OR1J2: variants seen among roughly 807,000 people sequenced by gnomAD.
The protein encoded by OR1J2 is olfactory receptor family 1 subfamily J member 2.
For missense variants in OR1J2, 304 were observed against 246.1 expected (o/e 1.24, Z -1.57); for synonymous variants, 142 against 99.7 (o/e 1.42, Z -2.52).
chr9:122,518,770 A>G, the OR1J2 span, among the ~76,000 whole-genome samples: 1 of 152,234 alleles, frequency 6.6e-6, no homozygotes, highest in African/African-American at 2.4e-5. Context: ...AAAAAGTTCA[A>G]TATGTTACAA....
chr9:122,510,131 T>A (rs899680232), upstream of OR1J2, among the ~76,000 whole-genome samples: 7 of 152,144 alleles, frequency 4.6e-5, no homozygotes, highest in African/African-American at 1.7e-4. Flanking sequence ...GTCCTGCACA[T>A]GTACCCCAGA....
At chr9:122,521,454 A>G in the OR1J2 span, among the ~76,000 whole-genome samples, 65 of 152,040 alleles carry the variant, frequency 4.3e-4, 1 homozygote, top group South Asian at 7.9e-3. Flanking sequence ...AAAAGACCTT[A>G]CTCTTCACTT....
chr9:122,577,072 T>A, the OR1J2 span, among the ~76,000 whole-genome samples: 1 of 152,220 alleles, frequency 6.6e-6, no homozygotes, highest in East Asian at 1.9e-4. Context: ...AAGGAGATAC[T>A]TTCTACTGCT....
At chr9:122,568,319 GT>G in the OR1J2 span, 3 of 1,614,028 alleles carry the variant, frequency 1.9e-6, no homozygotes, top group Non-Finnish European at 2.5e-6. Flanking sequence ...GAAGATGGGG[GT>G]TGAAGCGAAT....
chr9:122,566,048 A>G, the OR1J2 span, among the ~76,000 whole-genome samples: 1 of 152,196 alleles, frequency 6.6e-6, no homozygotes, highest in African/African-American at 2.4e-5. Context: ...AACACAAATT[A>G]GGGTGACCTC....
At chr9:122,489,469 A>G in the OR1J2 span, among the ~76,000 whole-genome samples, 2 of 152,028 alleles carry the variant, frequency 1.3e-5, no homozygotes, top group East Asian at 1.9e-4. Flanking sequence ...GAGAGGTTTC[A>G]TGAAGCTTCG....
the OR1J2 span, among the ~76,000 whole-genome samples, chr9:122,464,257 T>C: frequency 3.9e-5 from 6 of 152,200 alleles, no homozygotes; most frequent in South Asian, 1.2e-3. Flanking sequence ...CCAGATCCCA[T>C]GCAGCCCACA....
At chr9:122,498,079 T>C in the OR1J2 span, among the ~76,000 whole-genome samples, 1 of 151,790 alleles carries the variant, frequency 6.6e-6, no homozygotes, top group African/African-American at 2.4e-5. Context: ...TTTTTATTAT[T>C]GAGATGTGCT....
the OR1J2 span, chr9:122,477,087 T>A: frequency 6.2e-7 from 1 of 1,613,700 alleles, no homozygotes; most frequent in Non-Finnish European, 8.5e-7. Flanking sequence ...TGGGAGTGAC[T>A]GCTGTGTATA....
chr9:122,511,372 G>C lies in OR1J2; in HGVS notation c.571G>C (p.Asp191His). Reference sequence around the variant, plus strand: ...TGCCCTGCTCAAGCTGTCCTGCTCAGATATCTTCCTCAATGAGCTGGTCAT... The same window carrying C: ...TGCCCTGCTCAAGCTGTCCTGCTCACATATCTTCCTCAATGAGCTGGTCAT... ...LAALLKLSCS[D>H]IFLNELVMFT... is the part of the protein sequence containing the mutation. The change falls in exon 1 of 1, where the codon GAT becomes CAT. Residue 191 changes from aspartate to histidine, a missense_variant. Asp to His is a moderately conservative substitution (Grantham distance 81). Transcript: ENST00000335302. 1 of 744,420 alleles carries C rather than the reference G, an allele frequency of 1.3e-6. No homozygotes were observed. The highest frequency in any genetic ancestry group is 2.5e-6 in the Non-Finnish European group (1 of 400,540). The allele number at this position is 744,420 out of a possible 1,614,324, so 46.1% of individuals were successfully genotyped here.
the OR1J2 span, chr9:122,568,595 T>A: frequency 9.4e-6 from 6 of 635,782 alleles, no homozygotes; most frequent in Non-Finnish European, 1.3e-5. Context: ...AATTAGCTAC[T>A]GTGCTAATTG....
the OR1J2 span, among the ~76,000 whole-genome samples, chr9:122,481,090 G>A: frequency 1.3e-5 from 2 of 152,032 alleles, no homozygotes; most frequent in Non-Finnish European, 2.9e-5. Context: ...CACTGCGCCC[G>A]GCCCCATCCA....
At chr9:122,548,589 T>TA in the OR1J2 span, among the ~76,000 whole-genome samples, 5 of 151,176 alleles carry the variant, frequency 3.3e-5, no homozygotes, top group South Asian at 2.1e-4. Flanking sequence ...TTTAAAATTT[T>TA]TATATATATA....
the OR1J2 span, among the ~76,000 whole-genome samples, chr9:122,485,129 C>T: frequency 2.0e-4 from 30 of 151,858 alleles, no homozygotes; most frequent in African/African-American, 6.5e-4. Flanking sequence ...TCTTCCCCAC[C>T]GAGTGACAGG....
At chr9:122,555,097 T>C in the OR1J2 span, among the ~76,000 whole-genome samples, 1 of 152,144 alleles carries the variant, frequency 6.6e-6, no homozygotes, top group Admixed American at 6.5e-5. Context: ...CATGTAGATA[T>C]TTTTCAAAAA....
At chr9:122,504,999 G>A in the OR1J2 span, among the ~76,000 whole-genome samples, 4 of 151,950 alleles carry the variant, frequency 2.6e-5, no homozygotes, top group African/African-American at 7.3e-5. Flanking sequence ...TCTTTTAACC[G>A]TCTTCCCTGG....
the OR1J2 span, among the ~76,000 whole-genome samples, chr9:122,457,112 C>T: frequency 6.6e-6 from 1 of 152,132 alleles, no homozygotes; most frequent in Non-Finnish European, 1.5e-5. Context: ...AGCAAACTAA[C>T]ACAGGAACAG....
chr9:122,554,885 C>T, the OR1J2 span, among the ~76,000 whole-genome samples: 2 of 152,108 alleles, frequency 1.3e-5, no homozygotes, highest in Non-Finnish European at 2.9e-5. Flanking sequence ...CTACACCATC[C>T]GTTCTCTGAA....
chr9:122,524,441 G>A, the OR1J2 span, among the ~76,000 whole-genome samples: 6 of 152,222 alleles, frequency 3.9e-5, no homozygotes, highest in African/African-American at 1.4e-4. Context: ...TTGGCTGGCT[G>A]GAATCGAGGA....
Sources: gnomAD v4.1 joint callset for allele counts (sites outside exome capture counted in the v4.1 genomes callset) on GRCh38, gnomAD v4.1.1 for gene constraint, MANE v1.5 for transcripts, NCBI Gene and HGNC (gene_info 2026-07-23, HGNC 2026-07-21) for gene names.